The following PDGFD variants were observed in gnomAD, a reference collection of about 807,000 sequenced individuals.
The protein encoded by PDGFD is platelet-derived growth factor D.
Under a neutral mutation model 44.7 loss-of-function variants are expected in PDGFD, and 30 were observed. That is an observed-to-expected ratio of 0.67 (90% confidence interval 0.50 to 0.91). The LOEUF (loss-of-function observed/expected upper bound fraction) is 0.91, where lower values mean the gene tolerates loss of function less well. Among genes scored for constraint, PDGFD ranks in the 40% least tolerant of loss-of-function variants. The pLI is 0.00. For missense variants in PDGFD, 445 were observed against 457.8 expected (o/e 0.97, Z 0.25); for synonymous variants, 173 against 168.4 (o/e 1.03, Z -0.21).
chr11:103,971,019 T>G (rs1312954826), intron 3 of PDGFD, among the ~76,000 whole-genome samples: 1 of 152,182 alleles, frequency 6.6e-6, no homozygotes, highest in Non-Finnish European at 1.5e-5. Context: ...TAATGAATGA[T>G]TCACTTGAGC....
At chr11:104,080,525 C>T (rs1861030043) in intron 1 of PDGFD, among the ~76,000 whole-genome samples, 1 of 152,186 alleles carries the variant, frequency 6.6e-6, no homozygotes, top group Non-Finnish European at 1.5e-5. Context: ...TTGACATTCG[C>T]TGCATATCAG....
At chr11:104,157,765 A>T (rs1862328278) in intron 1 of PDGFD, among the ~76,000 whole-genome samples, 1 of 152,222 alleles carries the variant, frequency 6.6e-6, no homozygotes, top group South Asian at 2.1e-4. Context: ...TGTCTTCTTG[A>T]AAATTGATAA....
chr11:104,102,901 G>A (rs1861413973), intron 1 of PDGFD, among the ~76,000 whole-genome samples: 1 of 152,144 alleles, frequency 6.6e-6, no homozygotes, highest in Admixed American at 6.6e-5. Context: ...ACACAGGAAG[G>A]GGAACATCAC....
intron 1 of PDGFD, among the ~76,000 whole-genome samples, chr11:104,137,158 A>G (rs376134684): frequency 7.2e-5 from 11 of 152,192 alleles, no homozygotes; most frequent in East Asian, 5.8e-4. Flanking sequence ...CAGTATTGTC[A>G]ATAATAAGTC....
intron 1 of PDGFD, among the ~76,000 whole-genome samples, chr11:104,026,586 C>T (rs1474570603): frequency 2.0e-5 from 3 of 152,186 alleles, no homozygotes; most frequent in Non-Finnish European, 4.4e-5. Context: ...TGACCTCTGT[C>T]AAAATCCCAT....
chr11:104,139,028 C>G (rs1235564525), intron 1 of PDGFD, among the ~76,000 whole-genome samples: 1 of 152,148 alleles, frequency 6.6e-6, no homozygotes, highest in African/African-American at 2.4e-5. Context: ...TCCCAAAGTA[C>G]TGGGATTACA....
rs140567935 is a variant in PDGFD, at chr11:103,922,275, C to A, written c.987+4637G>T. Among the ~76,000 whole-genome samples, 138 of 152,280 alleles carry A rather than the reference C, an allele frequency of 9.1e-4. 2 individuals carry two copies. Among genetic ancestry groups the A allele is most frequent in the African/African-American group, 3.2e-3 (131 of 41,566 alleles). ...TAATAGTTTCTTCTAATTGTCTACA[C>A]AATACGTTTTTCTGGAATCCTCCCT... On this transcript the variant is annotated intron_variant, in intron 6 of 6. Coordinates refer to ENST00000393158, the MANE Select transcript of PDGFD (RefSeq NM_025208.5).
chr11:104,103,185 C>T (rs1861420121), intron 1 of PDGFD, among the ~76,000 whole-genome samples: 1 of 152,140 alleles, frequency 6.6e-6, no homozygotes, highest in East Asian at 1.9e-4. Flanking sequence ...TAATTTCCAC[C>T]TCATAGAGTA....
chr11:104,114,892 T>G (rs373392692), intron 1 of PDGFD, among the ~76,000 whole-genome samples: 14 of 151,574 alleles, frequency 9.2e-5, no homozygotes, highest in African/African-American at 3.4e-4. Context: ...TTTTTTTTTG[T>G]TTTTTCAAAT....
rs770791016 is a variant in PDGFD at position 104,163,860 on chromosome 11, G to A, written c.68C>T (p.Ala23Val). The change falls in exon 1 of 7, where the codon GCA (alanine) becomes GTA (valine). Residue 23 changes from alanine (A) to valine (V), a missense_variant. Transcript: ENST00000393158. ...ANFCSCRDTSATPQSASIKAL... is the reference protein window; with the variant it reads ...ANFCSCRDTSVTPQSASIKAL... ...TTTGATGGATGCGCTCTGCGGGGTT[G>A]CAGAAGTGTCCCGACAGCTGCAAAA... 1.3e-6 allele frequency: 2 copies of A among 1,580,250 alleles called. No homozygotes were observed. Among genetic ancestry groups the A allele is most frequent in the Non-Finnish European group, 8.7e-7 (1 of 1,155,000 alleles).
chr11:103,973,305 ATTT>A (rs35172142), intron 3 of PDGFD, among the ~76,000 whole-genome samples: 1 of 144,260 alleles, frequency 6.9e-6, no homozygotes. Context: ...TGCCCGGCCA[ATTT>A]TTTTTTTTTT....
At chr11:103,951,689 G>T (rs928012610) in intron 3 of PDGFD, among the ~76,000 whole-genome samples, 1 of 152,058 alleles carries the variant, frequency 6.6e-6, no homozygotes, top group East Asian at 1.9e-4. Flanking sequence ...TCCCTGCCTG[G>T]ATGCACTTTC....
chr11:103,976,370 A>G (rs576761900), intron 3 of PDGFD, among the ~76,000 whole-genome samples: 2 of 152,216 alleles, frequency 1.3e-5, no homozygotes, highest in South Asian at 4.1e-4. Flanking sequence ...ATTTTTGCAC[A>G]TTGATTTTGT....
At chr11:104,004,372 T>C (rs1318097371) in intron 1 of PDGFD, among the ~76,000 whole-genome samples, 5 of 152,320 alleles carry the variant, frequency 3.3e-5, no homozygotes, top group Non-Finnish European at 7.4e-5. Context: ...CATTATTCCC[T>C]AAACAATACA....
intron 1 of PDGFD, among the ~76,000 whole-genome samples, chr11:104,063,126 G>A (rs11226141): frequency 0.24 from 36,162 of 151,936 alleles, 4,575 homozygotes; most frequent in Non-Finnish European, 0.28. Context: ...TACAGAATGA[G>A]GACAGGCTTT....
intron 6 of PDGFD, among the ~76,000 whole-genome samples, chr11:103,917,016 C>A (rs531922859): frequency 2.6e-5 from 4 of 151,926 alleles, no homozygotes; most frequent in African/African-American, 9.7e-5. Flanking sequence ...CAGCAAGCCA[C>A]CATGGCACAT....
At chr11:104,108,947 A>G (rs1266171353) in intron 1 of PDGFD, among the ~76,000 whole-genome samples, 2 of 152,012 alleles carry the variant, frequency 1.3e-5, no homozygotes, top group African/African-American at 4.8e-5. Flanking sequence ...AAACTATTGC[A>G]AGAACAAAAA....
At chr11:104,037,813 G>A in intron 1 of PDGFD, 1 of 1,614,112 alleles carries the variant, frequency 6.2e-7, no homozygotes, top group Non-Finnish European at 8.5e-7. Context: ...TATGCTTCTA[G>A]GCCTAGATAT....
chr11:104,115,635 G>A (rs1861625492), intron 1 of PDGFD, among the ~76,000 whole-genome samples: 1 of 151,940 alleles, frequency 6.6e-6, no homozygotes, highest in Admixed American at 6.6e-5. Flanking sequence ...AGTGGTTGTA[G>A]TGGTTTACAT....
Sources: gnomAD v4.1 joint callset for allele counts (sites outside exome capture counted in the v4.1 genomes callset) on GRCh38, gnomAD v4.1.1 for gene constraint, MANE v1.5 for transcripts, NCBI Gene and HGNC (gene_info 2026-07-23, HGNC 2026-07-21) for gene names.